EYA2: variants seen among roughly 807,000 people sequenced by gnomAD.
EYA2 encodes protein phosphatase EYA2.
A neutral mutation model predicts 69.2 loss-of-function variants in EYA2; 31 were observed. The observed-to-expected ratio is 0.45, with a 90% CI of 0.34 to 0.60. The LOEUF (loss-of-function observed/expected upper bound fraction) is 0.60, where lower values mean the gene tolerates loss of function less well. EYA2 is among the 20% of genes least tolerant of loss of function. The probability of loss-of-function intolerance (pLI) is 0.02; values close to 1 mark genes in which losing one functional copy is unlikely to be tolerated. For missense variants in EYA2, 622 were observed against 701.2 expected (o/e 0.89, Z 1.28); for synonymous variants, 257 against 279.4 (o/e 0.92, Z 0.80).
chr20:47,072,271 C>G lies in EYA2; in HGVS notation c.483+19C>G. 6.2e-7 allele frequency: 1 copy of G among 1,600,340 alleles called. No homozygotes were observed. The highest frequency in any genetic ancestry group is 8.5e-7 in the Non-Finnish European group (1 of 1,171,672). On this transcript the variant is annotated intron_variant, in intron 6 of 15. Transcript: ENST00000327619. ...GCACCAGGTAGACATGGCTCCCTCC[C>G]GATTCTTTCCTCAGTTCTTTCTGGA...
chr20:46,916,921 AT>A (rs1240707071), intron 1 of EYA2, among the ~76,000 whole-genome samples: 4 of 152,292 alleles, frequency 2.6e-5, no homozygotes, highest in African/African-American at 9.6e-5. Context: ...GTTAGGAAAA[AT>A]ATATAGAGAG....
intron 9 of EYA2, among the ~76,000 whole-genome samples, chr20:47,134,397 G>A (rs1447067311): frequency 2.0e-5 from 3 of 152,154 alleles, no homozygotes; most frequent in Non-Finnish European, 1.5e-5. Context: ...AAGCTACACA[G>A]TAATAATAGT....
rs1054164920 is a variant in EYA2, at chr20:46,930,314, C to A, written c.-11+35327C>A. On this transcript the variant is annotated intron_variant, in intron 1 of 15. Transcript: ENST00000327619. ...AGGTAATAATTATAGCTGCCCTTTACTGGATTCTGTGCTAAAGGCTTTTTA... is the reference window on the plus strand; with the variant it reads ...AGGTAATAATTATAGCTGCCCTTTAATGGATTCTGTGCTAAAGGCTTTTTA... Among the ~76,000 whole-genome samples, 4 of 152,332 alleles carry A rather than the reference C, an allele frequency of 2.6e-5. No homozygotes were observed. The East Asian group carries it at 7.7e-4, about 29-fold the overall frequency.
chr20:46,912,628 G>A (rs1269750891), intron 1 of EYA2, among the ~76,000 whole-genome samples: 1 of 152,038 alleles, frequency 6.6e-6, no homozygotes, highest in Non-Finnish European at 1.5e-5. Context: ...GAAAAAGTAA[G>A]TAGAGGGGAG....
chr20:47,112,469 T>C (rs2032773365), intron 9 of EYA2, among the ~76,000 whole-genome samples: 1 of 152,212 alleles, frequency 6.6e-6, no homozygotes, highest in Non-Finnish European at 1.5e-5. Flanking sequence ...AATTAAATGA[T>C]TTAACTTGAT....
intron 5 of EYA2, among the ~76,000 whole-genome samples, chr20:47,029,668 C>T (rs182453540): frequency 1.3e-5 from 2 of 152,334 alleles, no homozygotes. Context: ...CACATCTTTA[C>T]ATTTTGCCCA....
At chr20:47,161,154 G>A (rs2034057403) in intron 10 of EYA2, 1 of 363,636 alleles carries the variant, frequency 2.7e-6, no homozygotes, top group Admixed American at 4.4e-5. Flanking sequence ...AAGTGCACCA[G>A]CACAGAGCCA....
chr20:47,144,936 C>T (rs989308238), intron 10 of EYA2, among the ~76,000 whole-genome samples: 2 of 152,130 alleles, frequency 1.3e-5, no homozygotes, highest in Non-Finnish European at 2.9e-5. Flanking sequence ...GAGCCTAATG[C>T]GGTAAAGACT....
intron 9 of EYA2, among the ~76,000 whole-genome samples, chr20:47,115,408 A>T (rs1049503611): frequency 2.0e-5 from 3 of 151,974 alleles, no homozygotes; most frequent in Admixed American, 2.0e-4. Context: ...AATATTCTTC[A>T]TCCTTCTTTT....
chr20:47,157,598 G>A (rs2033980596), intron 10 of EYA2, among the ~76,000 whole-genome samples: 1 of 151,898 alleles, frequency 6.6e-6, no homozygotes, highest in Admixed American at 6.6e-5. Flanking sequence ...AAATCCAGGG[G>A]AGGTTGTTTC....
intron 8 of EYA2, chr20:47,096,166 A>T (rs1029056593): frequency 2.0e-5 from 3 of 152,250 alleles, no homozygotes; most frequent in Non-Finnish European, 4.4e-5. Flanking sequence ...TAAAGAGAAT[A>T]CATACAATGG....
chr20:47,037,333 A>T (rs1984777910), intron 5 of EYA2, among the ~76,000 whole-genome samples: 1 of 152,204 alleles, frequency 6.6e-6, no homozygotes, highest in Non-Finnish European at 1.5e-5. Context: ...ACTCATCAGC[A>T]GGTTGTTGTA....
intron 10 of EYA2, among the ~76,000 whole-genome samples, chr20:47,144,064 G>A (rs1206841): frequency 0.063 from 9,584 of 152,274 alleles, 832 homozygotes; most frequent in African/African-American, 0.19. Flanking sequence ...AGATTGAAAA[G>A]TAAAGGCAAC....
At chr20:46,950,628 G>A (rs150442475) in intron 1 of EYA2, among the ~76,000 whole-genome samples, 75 of 152,344 alleles carry the variant, frequency 4.9e-4, no homozygotes, top group Admixed American at 4.6e-4. Flanking sequence ...TTCAGAAGGC[G>A]GAGGTCGTAC....
At chr20:47,153,806 G>T (rs1389966067) in intron 10 of EYA2, among the ~76,000 whole-genome samples, 1 of 151,958 alleles carries the variant, frequency 6.6e-6, no homozygotes, top group South Asian at 2.1e-4. Flanking sequence ...TACTATTTGG[G>T]ATCAGAGGAC....
chr20:47,005,466 A>G (rs972999016), intron 4 of EYA2, among the ~76,000 whole-genome samples: 4 of 152,202 alleles, frequency 2.6e-5, no homozygotes, highest in Non-Finnish European at 5.9e-5. Context: ...CATGGCAGCA[A>G]AGATGGTGCC....
At chr20:47,068,795 C>G (rs1339934415) in intron 5 of EYA2, among the ~76,000 whole-genome samples, 1 of 152,114 alleles carries the variant, frequency 6.6e-6, no homozygotes, top group African/African-American at 2.4e-5. Context: ...TTCCTGGAGT[C>G]CATTGTGTTC....
In EYA2 at chr20:46,924,476, C is replaced by A. The variant is rs563406110; in HGVS notation, c.-11+29489C>A. On this transcript the variant is annotated intron_variant, in intron 1 of 15. Coordinates refer to ENST00000327619, the MANE Select transcript of EYA2 (RefSeq NM_005244.5). ...GCGAGGTCAGGAGATCGAGACCATCCTGGCTAACACGGTGAAAACCCATCT... is the reference window on the plus strand; with the variant it reads ...GCGAGGTCAGGAGATCGAGACCATCATGGCTAACACGGTGAAAACCCATCT... Among the ~76,000 whole-genome samples the A allele has an allele frequency of 2.6e-5, 4 of 152,212 alleles. No individual in the cohort carries two copies. In the East Asian group the frequency reaches 7.7e-4, roughly 29 times the overall value.
intron 2 of EYA2, among the ~76,000 whole-genome samples, chr20:46,993,156 A>G (rs551979037): frequency 6.6e-6 from 1 of 152,278 alleles, no homozygotes; most frequent in South Asian, 2.1e-4. Flanking sequence ...CATTTGCCCC[A>G]TCTGTTTAAT....
Sources: gnomAD v4.1 joint callset for allele counts (sites outside exome capture counted in the v4.1 genomes callset) on GRCh38, gnomAD v4.1.1 for gene constraint, MANE v1.5 for transcripts, NCBI Gene and HGNC (gene_info 2026-07-23, HGNC 2026-07-21) for gene names.